The following KCNAB2 variants were observed in gnomAD, a reference collection of about 807,000 sequenced individuals.
KCNAB2 encodes voltage-gated potassium channel subunit beta-2.
A neutral mutation model predicts 63.6 loss-of-function variants in KCNAB2; 29 were observed. That is an observed-to-expected ratio of 0.46 (90% confidence interval 0.34 to 0.62). The LOEUF (loss-of-function observed/expected upper bound fraction) is 0.62, where lower values mean the gene tolerates loss of function less well. KCNAB2 is among the 20% of genes least tolerant of loss of function. The pLI is 0.01. For missense variants in KCNAB2, 359 were observed against 563.9 expected, an observed-to-expected ratio of 0.64 and a Z score of 3.68; for synonymous variants, 222 against 224.2, an observed-to-expected ratio of 0.99 and a Z score of 0.09.
At chr1:6,082,078 G>A (rs74049396) in intron 4 of KCNAB2, 117 bp from the exon 5 acceptor site, 12 of 792,504 alleles carry the variant, frequency 1.5e-5, no homozygotes, top group Admixed American at 4.0e-5. Context: ...GGAGCCTGTC[G>A]GGCCCGGGAG....
rs964005579 is a variant in KCNAB2 at position 5,994,083 on chromosome 1, C to T, written c.-53+1295C>T. Among the ~76,000 whole-genome samples, 7 of 152,178 alleles carry T rather than the reference C, an allele frequency of 4.6e-5. No individual in the cohort carries two copies. The highest frequency in any genetic ancestry group is 1.4e-4 in the African/African-American group (6 of 41,426). On this transcript the variant is annotated intron_variant, in intron 1 of 16. Transcript: ENST00000341524. The surrounding 1 kb of genome is among the most constrained non-coding windows in gnomAD (Gnocchi z 5.4). ...TTATGGAAATTAATACATCCACATC[C>T]GAGGAGCAAGAACACCAAGTTCAGG...
chr1:6,011,759 C>CA (rs1194295798), intron 1 of KCNAB2, among the ~76,000 whole-genome samples: 2 of 151,442 alleles, frequency 1.3e-5, no homozygotes, highest in Non-Finnish European at 2.9e-5. Flanking sequence ...GGGAGAGTTC[C>CA]AGGGATATCC....
intron 1 of KCNAB2, among the ~76,000 whole-genome samples, chr1:6,005,389 ATGTGGGAG>A (rs1657582449): frequency 1.1e-4 from 1 of 9,128 alleles, no homozygotes; most frequent in East Asian, 4.9e-3. Flanking sequence ...GAACTGGGGG[ATGTGGGAG>A]CTGAGCTGAG....
intron 2 of KCNAB2, among the ~76,000 whole-genome samples, chr1:6,067,138 GTC>G (rs1662826897): frequency 6.6e-6 from 1 of 152,234 alleles, no homozygotes; most frequent in Admixed American, 6.5e-5. Context: ...CCCCATGTAA[GTC>G]TCTGAGTCCA....
chr1:6,084,437 C>A lies in KCNAB2; in HGVS notation c.381-767C>A, dbSNP rs1004725953. On this transcript the variant is annotated intron_variant, in intron 5 of 15. Transcript: ENST00000378083. ...CACATATACACAAGCATGCACAGAT[C>A]TGCTGGAAATCCAGCCCTTGACCCT... Among the ~76,000 whole-genome samples, 34 of 152,232 alleles carry A rather than the reference C, an allele frequency of 2.2e-4. 1 individual carries two copies. Among genetic ancestry groups the A allele is most frequent in the Non-Finnish European group, 3.5e-4 (24 of 68,040 alleles).
intron 11 of KCNAB2, 99 bp from the exon 12 acceptor site, chr1:6,095,224 C>A: frequency 7.6e-7 from 1 of 1,316,756 alleles, no homozygotes; most frequent in South Asian, 1.4e-5. Context: ...CTGGGCCAGC[C>A]TGCTCCGGGG....
intron 1 of KCNAB2, chr1:6,007,512 G>GCGCCTCCTCCC (rs1553211367): frequency 4.2e-4 from 3 of 7,194 alleles, no homozygotes; most frequent in Non-Finnish European, 6.2e-4. Flanking sequence ...CGCCACCTCT[G>GCGCCTCCTCCC]CGCCTCCTCC....
At position 6,100,317 on chromosome 1, in the gene KCNAB2, G is replaced by A. The variant is rs1406185843; in HGVS notation, c.*1743G>A. On this transcript the variant is annotated 3_prime_UTR_variant, in exon 16 of 16. Coordinates refer to ENST00000378083, the MANE Select transcript of KCNAB2 (RefSeq NM_001199862.2). ...CCCCTCCTCATAGACCAAGTCCCGG[G>A]GGTCTCCACTCAGTCCTGCTGCCTG... The A allele has an allele frequency of 2.8e-6, 1 of 360,482 alleles. No individual in the cohort carries two copies. Among genetic ancestry groups the A allele is most frequent in the Non-Finnish European group, 5.0e-6 (1 of 201,308 alleles). The allele number at this position is 360,482 out of a possible 1,614,324, so 22.3% of individuals were successfully genotyped here.
intron 1 of KCNAB2, among the ~76,000 whole-genome samples, chr1:6,040,055 A>G (rs1256147686): frequency 6.6e-6 from 1 of 152,238 alleles, no homozygotes; most frequent in East Asian, 1.9e-4. Context: ...TGGCAGCACC[A>G]GGAAGCTGCA....
At position 6,078,379 on chromosome 1, in the gene KCNAB2, C is replaced by T. The variant is rs761540207; in HGVS notation, c.301-3816C>T. ...AGGTCACATTCCCAGGTTCCAGGGACGTGATACCTTTGGAGAACCATTATT... is the reference window on the plus strand; with the variant it reads ...AGGTCACATTCCCAGGTTCCAGGGATGTGATACCTTTGGAGAACCATTATT... On this transcript the variant is annotated intron_variant, in intron 4 of 15. Transcript: ENST00000378083. This position sits in a 1 kb window ranked among gnomAD's most constrained non-coding sequence, Gnocchi z 4.2. 5.9e-5 allele frequency among the ~76,000 whole-genome samples: 9 copies of T among 151,306 alleles called. No homozygotes were observed. The highest frequency in any genetic ancestry group is 2.1e-4 in the South Asian group (1 of 4,808).
At chr1:6,040,296 G>C (rs114775036) in intron 1 of KCNAB2, among the ~76,000 whole-genome samples, 2 of 152,128 alleles carry the variant, frequency 1.3e-5, no homozygotes. Context: ...CCTTCTCACA[G>C]TTGTCACCTG....
At chr1:6,025,477 G>A (rs1169491106) in intron 1 of KCNAB2, among the ~76,000 whole-genome samples, 1 of 152,126 alleles carries the variant, frequency 6.6e-6, no homozygotes, top group African/African-American at 2.4e-5. Flanking sequence ...GCCTCCCCAA[G>A]AAGGAATGAG....
At chr1:6,072,915 G>A in intron 3 of KCNAB2, 117 bp downstream of exon 3, 1 of 896,574 alleles carries the variant, frequency 1.1e-6, no homozygotes, top group Non-Finnish European at 1.7e-6. Flanking sequence ...CACTCCCCAG[G>A]GAGTAGCTGC....
chr1:6,067,064 T>C (rs1339994000), intron 2 of KCNAB2, among the ~76,000 whole-genome samples: 1 of 152,152 alleles, frequency 6.6e-6, no homozygotes, highest in African/African-American at 2.4e-5. Flanking sequence ...GGGTCCCAGC[T>C]TTGTACAAAG....
chr1:6,081,365 T>C lies in KCNAB2; in HGVS notation c.301-830T>C, dbSNP rs548645550. ...TACAAAAATAACAATTCAGTCCTCA[T>C]GTGCAGGTGCTGGGAAAGATTCAAT... On this transcript the variant is annotated intron_variant, in intron 4 of 15. Coordinates refer to ENST00000378083, the MANE Select transcript of KCNAB2 (RefSeq NM_001199862.2). 3.9e-5 allele frequency among the ~76,000 whole-genome samples: 6 copies of C among 152,352 alleles called. No individual in the cohort carries two copies. In the South Asian group the frequency reaches 1.2e-3, roughly 32 times the overall value.
At chr1:6,000,542 G>A (rs903737896) in intron 1 of KCNAB2, among the ~76,000 whole-genome samples, 1 of 152,104 alleles carries the variant, frequency 6.6e-6, no homozygotes, top group South Asian at 2.1e-4. Flanking sequence ...TGGGTCTGGG[G>A]AGGCCACTGG....
intron 1 of KCNAB2, among the ~76,000 whole-genome samples, chr1:6,022,472 G>T (rs1658903706): frequency 6.6e-6 from 1 of 152,044 alleles, no homozygotes; most frequent in African/African-American, 2.4e-5. Flanking sequence ...CAGTTCAGTG[G>T]TATTGAGTGT....
intron 6 of KCNAB2, chr1:6,085,667 G>A (rs1664635643): frequency 4.1e-6 from 1 of 243,546 alleles, no homozygotes; most frequent in Non-Finnish European, 7.2e-6. Flanking sequence ...GGGGAGCCAG[G>A]GGGCCAGAGA....
intron 4 of KCNAB2, among the ~76,000 whole-genome samples, chr1:6,081,704 T>C (rs1664226420): frequency 6.6e-6 from 1 of 152,144 alleles, no homozygotes; most frequent in Admixed American, 6.5e-5. Flanking sequence ...CTTCGTAGTC[T>C]CATGGACTTC....
Sources: allele counts gnomAD v4.1 joint callset (sites outside exome capture counted in the v4.1 genomes callset), GRCh38; gene constraint gnomAD v4.1.1; non-coding constraint Gnocchi (gnomAD v3.1); transcripts MANE v1.5; gene names NCBI Gene and HGNC (gene_info 2026-07-23, HGNC 2026-07-21).